Variants in RPS6KA2 observed in about 807,000 individuals in gnomAD.
RPS6KA2 encodes the protein ribosomal protein S6 kinase A2, also known as ribosomal protein S6 kinase alpha-2.
RPS6KA2 carries 42 observed loss-of-function variants against 91.8 expected under a neutral mutation model. That is an observed-to-expected ratio of 0.46 (90% CI 0.36 to 0.59). The LOEUF (loss-of-function observed/expected upper bound fraction) is 0.59. Among genes scored for constraint, RPS6KA2 ranks in the 20% least tolerant of loss-of-function variants. RPS6KA2 has a pLI of 0.00. For synonymous variants in RPS6KA2, 414 were observed against 393.6 expected (o/e 1.05, Z -0.61); for missense variants, 798 against 978.5 (o/e 0.82, Z 2.46).
intron 1 of RPS6KA2, among the ~76,000 whole-genome samples, chr6:166,589,657 T>C (rs1435678240): frequency 6.6e-6 from 1 of 152,174 alleles, no homozygotes; most frequent in Non-Finnish European, 1.5e-5. Context: ...GCTTTTACTA[T>C]CAGCTCCAAT....
intron 11 of RPS6KA2, among the ~76,000 whole-genome samples, 166 bp downstream of exon 11, chr6:166,469,675 G>A (rs772988478): frequency 2.6e-5 from 4 of 152,160 alleles, no homozygotes; most frequent in Non-Finnish European, 4.4e-5. Context: ...TTGCCAGCCC[G>A]CTCAGCAGGG....
intron 7 of RPS6KA2, among the ~76,000 whole-genome samples, chr6:166,499,683 G>C (rs540327239): frequency 1.3e-5 from 2 of 152,330 alleles, no homozygotes; most frequent in Admixed American, 1.3e-4. Flanking sequence ...CCAGCCAGGT[G>C]GAACAGGGTG....
chr6:166,627,305 A>C (rs1422486609), upstream of RPS6KA2: 138 of 782,520 alleles, frequency 1.8e-4, no homozygotes, highest in Non-Finnish European at 1.9e-4. Flanking sequence ...ACTACCACCA[A>C]TCAGCGCCCG....
intron 2 of RPS6KA2, among the ~76,000 whole-genome samples, chr6:166,816,131 T>C (rs1470028557): frequency 6.6e-6 from 1 of 152,182 alleles, no homozygotes; most frequent in Non-Finnish European, 1.5e-5. Context: ...TTTACAGCAT[T>C]ATATAAGCAA....
At chr6:166,572,625 T>C (rs2128510527) in intron 1 of RPS6KA2, among the ~76,000 whole-genome samples, 1 of 152,318 alleles carries the variant, frequency 6.6e-6, no homozygotes, top group South Asian at 2.1e-4. Flanking sequence ...GGCTTACAGC[T>C]CCTCCACGCT....
chr6:166,616,046 C>T (rs999335636), intron 1 of RPS6KA2, among the ~76,000 whole-genome samples: 2 of 152,098 alleles, frequency 1.3e-5, no homozygotes, highest in African/African-American at 4.8e-5. Flanking sequence ...GTGTCTCTTG[C>T]CGTACCCTGC....
rs780478422 is a variant in RPS6KA2 at position 166,498,605 on chromosome 6, T to G, written c.650A>C (p.Tyr217Ser). The change falls in exon 8 of 21, where the codon TAC (tyrosine) becomes TCC (serine). Residue 217 changes from tyrosine (Y) to serine (S), a missense_variant. Physicochemically the swap from Tyr to Ser is moderately radical, Grantham distance 144. Coordinates refer to ENST00000265678, the MANE Select transcript of RPS6KA2 (RefSeq NM_021135.6). Reference sequence around the variant, plus strand: ...GTACTCGATCGTCCCGCAGAAGGAGTACGCTCTCTTGTCGTGGTCAATGGC... The same window carrying G: ...GTACTCGATCGTCCCGCAGAAGGAGGACGCTCTCTTGTCGTGGTCAATGGC... Reference protein sequence around the residue: ...KEAIDHDKRAYSFCGTIEYMA... With the variant: ...KEAIDHDKRASSFCGTIEYMA... 3.1e-6 allele frequency: 5 copies of G among 1,613,744 alleles called. No homozygotes were observed. Among genetic ancestry groups the G allele is most frequent in the Non-Finnish European group, 2.5e-6 (3 of 1,179,922 alleles).
chr6:166,698,272 G>A (rs567618406), intron 2 of RPS6KA2, among the ~76,000 whole-genome samples: 20 of 152,226 alleles, frequency 1.3e-4, no homozygotes, highest in Non-Finnish European at 2.5e-4. Flanking sequence ...AGGATGGGTC[G>A]GTATACAGCA....
At chr6:166,467,187 TTCAC>T (rs755132037) in intron 11 of RPS6KA2, among the ~76,000 whole-genome samples, 10 of 150,064 alleles carry the variant, frequency 6.7e-5, no homozygotes, top group Non-Finnish European at 7.4e-5. Context: ...CCCTTACTCA[TTCAC>T]TCACTCACTC....
intron 2 of RPS6KA2, among the ~76,000 whole-genome samples, chr6:166,692,867 C>T (rs1038270415): frequency 1.3e-5 from 2 of 152,200 alleles, no homozygotes; most frequent in South Asian, 2.1e-4. Flanking sequence ...GAAATGATGA[C>T]GATTTTGGCC....
intron 3 of RPS6KA2, among the ~76,000 whole-genome samples, chr6:166,527,725 C>A (rs929035188): frequency 1.3e-5 from 2 of 152,182 alleles, no homozygotes; most frequent in Admixed American, 6.5e-5. Flanking sequence ...TCTCACCCCC[C>A]AGCCTAGGAA....
intron 1 of RPS6KA2, among the ~76,000 whole-genome samples, chr6:166,560,938 T>G (rs1433374751): frequency 6.8e-5 from 4 of 59,094 alleles, no homozygotes; most frequent in Admixed American, 3.2e-4. Context: ...CAACATGGTG[T>G]TTTTTTTTTT....
intron 1 of RPS6KA2, among the ~76,000 whole-genome samples, chr6:166,555,274 CTTG>C (rs1338797841): frequency 6.6e-6 from 1 of 152,188 alleles, no homozygotes; most frequent in African/African-American, 2.4e-5. Context: ...GGCCCACTTC[CTTG>C]TTGTGAAAAG....
At chr6:166,681,888 G>A (rs1042475163) in intron 2 of RPS6KA2, among the ~76,000 whole-genome samples, 3 of 152,028 alleles carry the variant, frequency 2.0e-5, no homozygotes, top group Non-Finnish European at 4.4e-5. Context: ...AGCTCCTGCC[G>A]AGATCCCTTG....
intron 2 of RPS6KA2, among the ~76,000 whole-genome samples, chr6:166,686,769 T>C (rs150009056): frequency 2.1e-3 from 325 of 152,326 alleles, no homozygotes; most frequent in African/African-American, 7.2e-3. Context: ...GTTCAGGAGC[T>C]GTTTCCTGCA....
At chr6:166,814,860 T>C (rs1779722601) in intron 2 of RPS6KA2, among the ~76,000 whole-genome samples, 1 of 152,254 alleles carries the variant, frequency 6.6e-6, no homozygotes, top group Non-Finnish European at 1.5e-5. Context: ...TTCTACGTGA[T>C]GATGAGTTGT....
At chr6:166,796,286 G>A (rs1314601084) in intron 2 of RPS6KA2, among the ~76,000 whole-genome samples, 2 of 152,104 alleles carry the variant, frequency 1.3e-5, no homozygotes, top group African/African-American at 4.8e-5. Context: ...CTCTCATATG[G>A]CCCCCTAAAA....
chr6:166,451,061 G>A lies in RPS6KA2; in HGVS notation c.1206+42C>T, dbSNP rs531869961. The A allele has an allele frequency of 3.1e-6, 5 of 1,610,918 alleles. No homozygotes were observed. The South Asian group carries it at 4.4e-5, about 14-fold the overall frequency. On this transcript the variant is annotated intron_variant, in intron 13 of 20. Transcript: ENST00000265678. Reference sequence around the variant, plus strand: ...AACACCAGAGTCACCCATCATCCAAGTGCCCTCTTACCCCCAACCCACTGC... The same window carrying A: ...AACACCAGAGTCACCCATCATCCAAATGCCCTCTTACCCCCAACCCACTGC...
chr6:166,501,678 C>G (rs1782033703), intron 6 of RPS6KA2, among the ~76,000 whole-genome samples: 1 of 152,242 alleles, frequency 6.6e-6, no homozygotes, highest in Admixed American at 6.5e-5. Context: ...CCCTTCTTCC[C>G]TGAACATCAG....
Sources: gnomAD v4.1 joint callset for allele counts (sites outside exome capture counted in the v4.1 genomes callset) on GRCh38, gnomAD v4.1.1 for gene constraint, MANE v1.5 for transcripts, NCBI Gene and HGNC (gene_info 2026-07-23, HGNC 2026-07-21) for gene names.